The following VAV3 variants were observed in gnomAD, a reference collection of about 807,000 sequenced individuals.
VAV3 encodes vav guanine nucleotide exchange factor 3, also known as guanine nucleotide exchange factor VAV3.
In VAV3, 94 loss-of-function variants were observed where a neutral mutation model predicts 131.2. The observed-to-expected ratio is 0.72, with a 90% CI of 0.61 to 0.85. VAV3 has a LOEUF of 0.85. Among genes scored for constraint, VAV3 ranks in the 40% least tolerant of loss-of-function variants. The pLI, the probability that VAV3 is intolerant of heterozygous loss-of-function variation, is 0.00. For missense variants in VAV3, 939 were observed against 1,002.7 expected (o/e 0.94, Z 0.86); for synonymous variants, 349 against 342.0 (o/e 1.02, Z -0.22).
intron 25 of VAV3, among the ~76,000 whole-genome samples, chr1:107,576,233 T>TG (rs1259195915): frequency 6.6e-6 from 1 of 151,908 alleles, no homozygotes; most frequent in African/African-American, 2.4e-5. Flanking sequence ...TGATGAACGG[T>TG]GACTATGACA....
intron 19 of VAV3, chr1:107,668,943 T>A: frequency 1.0e-6 from 1 of 988,936 alleles, no homozygotes; most frequent in Admixed American, 5.9e-5. Context: ...CGTGTTTATT[T>A]GAATTCTCTT....
chr1:107,841,716 C>T (rs1349716208), intron 2 of VAV3, among the ~76,000 whole-genome samples: 1 of 152,064 alleles, frequency 6.6e-6, no homozygotes, highest in Non-Finnish European at 1.5e-5. Flanking sequence ...ATGACTGTTC[C>T]TCTCTCTAGG....
intron 19 of VAV3, among the ~76,000 whole-genome samples, chr1:107,662,727 G>A (rs113111040): frequency 0.05 from 7,674 of 152,220 alleles, 217 homozygotes; most frequent in Middle Eastern, 0.088. Flanking sequence ...CCAGAAAAAC[G>A]CTAACGAAAG....
At chr1:107,916,691 T>A (rs568767642) in intron 1 of VAV3, among the ~76,000 whole-genome samples, 1 of 152,308 alleles carries the variant, frequency 6.6e-6, no homozygotes, top group African/African-American at 2.4e-5. Flanking sequence ...TCTGGGATGG[T>A]TGGAGTGTCT....
At chr1:107,704,878 G>A in intron 16 of VAV3, 82 bp downstream of exon 16, 1 of 1,383,472 alleles carries the variant, frequency 7.2e-7, no homozygotes, top group Non-Finnish European at 1.0e-6. Context: ...AGAACCTATT[G>A]GCTAGAAGGT....
chr1:107,603,303 A>C (rs916010099), intron 22 of VAV3, 140 bp from the exon 23 acceptor site: 1 of 642,472 alleles, frequency 1.6e-6, no homozygotes. Context: ...TGTTTAAGAA[A>C]AATAAATCAG....
intron 19 of VAV3, among the ~76,000 whole-genome samples, chr1:107,681,190 C>A (rs1410366790): frequency 2.0e-5 from 3 of 152,024 alleles, no homozygotes; most frequent in Admixed American, 6.6e-5. Flanking sequence ...AAGTGAGGCC[C>A]TGCAAAGTCA....
At chr1:107,716,393 C>T (rs572679468) in intron 15 of VAV3, among the ~76,000 whole-genome samples, 19 of 152,144 alleles carry the variant, frequency 1.2e-4, no homozygotes, top group Non-Finnish European at 2.5e-4. Context: ...TTTGGGAGGC[C>T]GAGGCAGGTG....
At chr1:107,798,806 T>C (rs1046219092) in intron 2 of VAV3, among the ~76,000 whole-genome samples, 3 of 150,790 alleles carry the variant, frequency 2.0e-5, no homozygotes, top group African/African-American at 4.9e-5. Flanking sequence ...TGCTATGAAA[T>C]TGCGCTTTTC....
At chr1:107,589,962 C>G (rs943648183) in intron 25 of VAV3, among the ~76,000 whole-genome samples, 2 of 152,106 alleles carry the variant, frequency 1.3e-5, no homozygotes, top group Admixed American at 6.6e-5. Context: ...AAATACGACA[C>G]AAATTATCCA....
intron 1 of VAV3, among the ~76,000 whole-genome samples, chr1:107,957,968 C>T (rs969322166): frequency 2.0e-5 from 3 of 151,988 alleles, no homozygotes; most frequent in African/African-American, 7.3e-5. Context: ...TACTTCAGTG[C>T]CTTACCCCAG....
At chr1:107,835,363 CA>C (rs1668426328) in intron 2 of VAV3, among the ~76,000 whole-genome samples, 1 of 152,194 alleles carries the variant, frequency 6.6e-6, no homozygotes, top group Admixed American at 6.5e-5. Flanking sequence ...GGCAACCCCC[CA>C]GGTTAGAGCA....
At chr1:107,834,511 T>A (rs1445660962) in intron 2 of VAV3, among the ~76,000 whole-genome samples, 1 of 151,952 alleles carries the variant, frequency 6.6e-6, no homozygotes, top group Non-Finnish European at 1.5e-5. Context: ...TTGATAACTC[T>A]ACACAATAGC....
intron 22 of VAV3, among the ~76,000 whole-genome samples, chr1:107,608,526 T>C (rs1036277874): frequency 7.2e-5 from 11 of 152,156 alleles, no homozygotes; most frequent in Admixed American, 7.2e-4. Flanking sequence ...TTGTCTTCAA[T>C]CAGGTAAAAA....
chr1:107,726,160 A>G (rs1661826651), intron 15 of VAV3, among the ~76,000 whole-genome samples: 1 of 152,214 alleles, frequency 6.6e-6, no homozygotes, highest in African/African-American at 2.4e-5. Flanking sequence ...TAAAAATCTG[A>G]GCTCTGATAT....
Position 107,749,400 on chromosome 1 carries a change from A to C in VAV3, c.1392+62T>G, listed in dbSNP as rs1009946801. ...CCATATCTCACATTAATGTATTATC[A>C]TACTTTTCCTTAATGTTCAAGATTA... On this transcript the variant is annotated intron_variant, in intron 14 of 26. Coordinates refer to ENST00000370056, the MANE Select transcript of VAV3 (RefSeq NM_006113.5). 3.3e-6 allele frequency: 5 copies of C among 1,499,436 alleles called. No homozygotes were observed. The Admixed American group carries it at 9.1e-5, about 27-fold the overall frequency. The allele number at this position is 1,499,436 out of a possible 1,614,324, so 92.9% of individuals were successfully genotyped here. A position where few individuals can be genotyped will look rare whatever the true frequency, so the allele number is the denominator to read the frequency against.
chr1:107,656,740 A>C (rs1479077812), intron 19 of VAV3, among the ~76,000 whole-genome samples: 2 of 152,088 alleles, frequency 1.3e-5, no homozygotes, highest in Non-Finnish European at 2.9e-5. Flanking sequence ...TATATCAATA[A>C]AAATAAAAAT....
At chr1:107,863,011 C>T (rs1669811058) in intron 2 of VAV3, among the ~76,000 whole-genome samples, 1 of 151,890 alleles carries the variant, frequency 6.6e-6, no homozygotes, top group Admixed American at 6.6e-5. Context: ...TAGGATGGCA[C>T]AATATAGCAA....
Position 107,574,039 on chromosome 1 carries a change from C to T in VAV3, c.2502+8G>A, listed in dbSNP as rs2820135. On this transcript the variant is annotated splice_region_variant and intron_variant, in intron 26 of 26. Transcript: ENST00000370056. ...ACATGCACCAGCACATCGAGAGGGC[C>T]AACTTACCCTGCCATTTACTTCTCC... 4.2e-3 allele frequency: 6,745 copies of T among 1,613,466 alleles called. 143 individuals are homozygous for T. The African/African-American group carries it at 0.055, about 13-fold the overall frequency.
Sources: allele counts gnomAD v4.1 joint callset (sites outside exome capture counted in the v4.1 genomes callset), GRCh38; gene constraint gnomAD v4.1.1; transcripts MANE v1.5; gene names NCBI Gene and HGNC (gene_info 2026-07-23, HGNC 2026-07-21).